DET1: variants seen among roughly 807,000 people sequenced by gnomAD.
DET1 encodes the protein DET1 partner of COP1 E3 ubiquitin ligase.
DET1 carries 22 observed loss-of-function variants against 43.7 expected under a neutral mutation model. That is an observed-to-expected ratio of 0.50 (90% CI 0.36 to 0.72). The LOEUF (loss-of-function observed/expected upper bound fraction) is 0.72. Among genes scored for constraint, DET1 ranks in the 30% least tolerant of loss-of-function variants. DET1 has a pLI of 0.00. For missense variants in DET1, 713 were observed against 713.3 expected, an observed-to-expected ratio of 1.00 and a Z score of 0.00; for synonymous variants, 315 against 266.2, an observed-to-expected ratio of 1.18 and a Z score of -1.79.
chr15:88,510,063 G>C (rs1455490571), downstream of DET1, among the ~76,000 whole-genome samples: 1 of 152,320 alleles, frequency 6.6e-6, no homozygotes, highest in South Asian at 2.1e-4. Context: ...AGCTATAGCA[G>C]TTTATCCTTA....
chr15:88,508,652 C>A (rs933460453), downstream of DET1, among the ~76,000 whole-genome samples: 42 of 152,148 alleles, frequency 2.8e-4, no homozygotes, highest in Admixed American at 2.0e-4. Context: ...ACTGTATTGG[C>A]AACATGAAAT....
chr15:88,523,503 T>G (rs2056561502), intron 3 of DET1, among the ~76,000 whole-genome samples: 1 of 152,212 alleles, frequency 6.6e-6, no homozygotes, highest in Non-Finnish European at 1.5e-5. Context: ...GAGGCTGAAC[T>G]GTACTGCCGC....
At chr15:88,511,166 C>T (rs894973103), downstream of DET1, among the ~76,000 whole-genome samples, 1 of 152,168 alleles carries the variant, frequency 6.6e-6, no homozygotes, top group Non-Finnish European at 1.5e-5. Flanking sequence ...TCCAGGGGCC[C>T]AGTGGCAGCA....
Position 88,531,127 on chromosome 15 carries a change from G to A in DET1, c.579C>T (p.Leu193=), listed in dbSNP as rs1026617848. Residue 193 remains leucine (L), a synonymous_variant, in exon 2 of 5, where the codon CTC becomes CTT. Transcript: ENST00000268148. The surrounding 1 kb of genome is among the most constrained non-coding windows in gnomAD (Gnocchi z 6.2). ...GGCCGGTGTGAAGGTCAATGATATG[G>A]AGGGAATAGTCTTCTAGAGGGGACC... ...NPRSPLEDYS[L]HIIDLHTGRL... The A allele has an allele frequency of 6.2e-7, 1 of 1,613,978 alleles. No individual in the cohort carries two copies.
Position 88,532,680 on chromosome 15 carries a change from C to T in DET1, c.-10-965G>A, listed in dbSNP as rs1018438252. Among the ~76,000 whole-genome samples, 4 of 152,246 alleles carry T rather than the reference C, an allele frequency of 2.6e-5. No individual in the cohort carries two copies. In the East Asian group the frequency reaches 7.7e-4, roughly 29 times the overall value. ...AATCTTTGATAAGGTCCTACTACTA[C>T]TCAATAGAAAAAGGACAGTCACTTC... On this transcript the variant is annotated intron_variant, in intron 1 of 4. Transcript: ENST00000268148.
At chr15:88,537,812 C>T (rs2056992572) in intron 1 of DET1, among the ~76,000 whole-genome samples, 3 of 152,186 alleles carry the variant, frequency 2.0e-5, no homozygotes, top group African/African-American at 7.2e-5. Context: ...TTCCCCTGCC[C>T]CTTGCTGTAA....
intron 1 of DET1, among the ~76,000 whole-genome samples, chr15:88,532,403 A>G (rs2056839385): frequency 6.6e-6 from 1 of 152,236 alleles, no homozygotes; most frequent in Non-Finnish European, 1.5e-5. Context: ...TAATCTACAG[A>G]TTCAATACAA....
At chr15:88,514,088 C>T (rs935043939) in intron 4 of DET1, among the ~76,000 whole-genome samples, 5 of 150,076 alleles carry the variant, frequency 3.3e-5, no homozygotes, top group East Asian at 1.9e-4. Flanking sequence ...CGTGAGCCAC[C>T]GCGCCCGGCC....
chr15:88,539,940 G>A (rs114667113), intron 1 of DET1, among the ~76,000 whole-genome samples: 180 of 152,210 alleles, frequency 1.2e-3, no homozygotes, highest in African/African-American at 4.2e-3. Context: ...CCCTTAAACA[G>A]AACACTGTGT....
chr15:88,536,167 G>T, intron 1 of DET1: 1 of 612,080 alleles, frequency 1.6e-6, no homozygotes. Context: ...TGAAAGATCT[G>T]CCTCTGTTTC....
At chr15:88,507,140 G>C (rs1411127955) in intron 7 of DET1, among the ~76,000 whole-genome samples, 1 of 152,176 alleles carries the variant, frequency 6.6e-6, no homozygotes, top group Non-Finnish European at 1.5e-5. Flanking sequence ...GTGCCCCAGT[G>C]CCTTGGATCC....
intron 3 of DET1, among the ~76,000 whole-genome samples, chr15:88,522,049 A>C (rs1325571702): frequency 6.6e-6 from 1 of 152,184 alleles, no homozygotes; most frequent in Non-Finnish European, 1.5e-5. Flanking sequence ...CCAAGAGAAG[A>C]GCTGTAGCAC....
intron 2 of DET1, among the ~76,000 whole-genome samples, chr15:88,529,535 A>G (rs184265901): frequency 5.9e-5 from 9 of 152,334 alleles, no homozygotes; most frequent in Admixed American, 5.9e-4. Flanking sequence ...TTTTTAGAAC[A>G]CATAAACTAC....
chr15:88,522,368 G>A (rs2142280269), intron 3 of DET1, among the ~76,000 whole-genome samples: 1 of 151,938 alleles, frequency 6.6e-6, no homozygotes, highest in African/African-American at 2.4e-5. Context: ...GGCCTCCTAG[G>A]CAGGTACTCT....
At chr15:88,544,462 C>G (rs532242311) in intron 1 of DET1, among the ~76,000 whole-genome samples, 1 of 152,236 alleles carries the variant, frequency 6.6e-6, no homozygotes, top group Non-Finnish European at 1.5e-5. Flanking sequence ...ATTACAGTAC[C>G]TACAATCTCC....
At chr15:88,536,408 A>C in intron 1 of DET1, 1 of 723,836 alleles carries the variant, frequency 1.4e-6, no homozygotes, top group Non-Finnish European at 2.5e-6. Context: ...TTAAGCGCTC[A>C]TAAATATGTT....
intron 1 of DET1, among the ~76,000 whole-genome samples, chr15:88,539,551 T>A (rs756455786): frequency 1.3e-5 from 2 of 152,168 alleles, no homozygotes; most frequent in Non-Finnish European, 2.9e-5. Context: ...TAGTGTTTAT[T>A]GTCTTGTTTA....
chr15:88,544,963 C>A (rs967119362), intron 1 of DET1, among the ~76,000 whole-genome samples: 1 of 152,110 alleles, frequency 6.6e-6, no homozygotes, highest in African/African-American at 2.4e-5. Context: ...GGGAGCCAAA[C>A]TGGATGTGTG....
chr15:88,536,350 A>C (rs2056949862), intron 1 of DET1: 1 of 779,328 alleles, frequency 1.3e-6, no homozygotes, highest in African/African-American at 1.7e-5. Flanking sequence ...AGAGCAGGGA[A>C]CTGGTCTAAT....
Sources: gnomAD v4.1 joint callset for allele counts (sites outside exome capture counted in the v4.1 genomes callset) on GRCh38, gnomAD v4.1.1 for gene constraint, Gnocchi (gnomAD v3.1) non-coding constraint, MANE v1.5 for transcripts, NCBI Gene and HGNC (gene_info 2026-07-23, HGNC 2026-07-21) for gene names.